The following PLCH1 variants were observed in gnomAD, a reference collection of about 807,000 sequenced individuals.
PLCH1 encodes the protein phospholipase C eta 1.
PLCH1 carries 60 observed loss-of-function variants against 126.7 expected under a neutral mutation model. The observed-to-expected ratio is 0.47, with a 90% CI of 0.38 to 0.59. PLCH1 has a LOEUF of 0.59. Ranked by LOEUF, PLCH1 falls within the 20% of genes least tolerant of loss-of-function variation. PLCH1 has a pLI of 0.00. For missense variants in PLCH1, 1,723 were observed against 2,040.0 expected, an observed-to-expected ratio of 0.84 and a Z score of 2.99; for synonymous variants, 719 against 734.9, an observed-to-expected ratio of 0.98 and a Z score of 0.35.
At chr3:155,461,609 G>A (rs1712730795) in intron 21 of PLCH1, among the ~76,000 whole-genome samples, 1 of 152,164 alleles carries the variant, frequency 6.6e-6, no homozygotes, top group Non-Finnish European at 1.5e-5. Flanking sequence ...CATACTTATG[G>A]CCTCATGGGA....
chr3:155,473,161 A>T (rs1250354188), intron 21 of PLCH1, among the ~76,000 whole-genome samples: 1 of 150,216 alleles, frequency 6.7e-6, no homozygotes, highest in African/African-American at 2.5e-5. Context: ...AGATGACATG[A>T]TTGTATATCT....
At chr3:155,646,345 C>T (rs1740055662) in intron 2 of PLCH1, among the ~76,000 whole-genome samples, 1 of 152,226 alleles carries the variant, frequency 6.6e-6, no homozygotes, top group Non-Finnish European at 1.5e-5. Context: ...CCTCTGTCCT[C>T]ACTGTTCAGT....
chr3:155,459,231 G>A (rs1712622759), intron 21 of PLCH1, among the ~76,000 whole-genome samples: 1 of 152,164 alleles, frequency 6.6e-6, no homozygotes, highest in South Asian at 2.1e-4. Context: ...GGTAGTATGA[G>A]GCAGCTAATT....
chr3:155,669,781 G>A lies in PLCH1; in HGVS notation c.79+34365C>T, dbSNP rs1743213676. Among the ~76,000 whole-genome samples, 3 of 152,290 alleles carry A rather than the reference G, an allele frequency of 2.0e-5. 1 individual carries two copies. Among genetic ancestry groups the A allele is most frequent in the Admixed American group, 6.5e-5 (1 of 15,292 alleles). On this transcript the variant is annotated intron_variant, in intron 2 of 22. Transcript: ENST00000460012. ...CACCTGTTTACTAAGTCCAACTGAA[G>A]ACCTGTCTCCTGTTCATACTGTTCA... is the stretch of plus-strand genomic sequence containing the variant.
rs142479327 is a variant in PLCH1 at position 155,589,196 on chromosome 3, T to G, written c.471-3002A>C. 4.3e-3 allele frequency among the ~76,000 whole-genome samples: 647 copies of G among 152,234 alleles called. 1 individual carries two copies. The highest frequency in any genetic ancestry group is 7.1e-3 in the South Asian group (34 of 4,816). On this transcript the variant is annotated intron_variant, in intron 4 of 22. Transcript: ENST00000460012. ...TATCTAGCACAGGGGAGGGCAAACT[T>G]TTCTGTAAAGGGCCTGATAGTGAAT...
chr3:155,528,603 T>C (rs1722274606), intron 10 of PLCH1, among the ~76,000 whole-genome samples: 1 of 152,160 alleles, frequency 6.6e-6, no homozygotes, highest in Non-Finnish European at 1.5e-5. Context: ...CAGCATAAAA[T>C]AGAATAAAAA....
At chr3:155,485,195 C>A (rs1328717236) in intron 22 of PLCH1, among the ~76,000 whole-genome samples, 161 bp downstream of exon 22, 1 of 152,120 alleles carries the variant, frequency 6.6e-6, no homozygotes, top group Admixed American at 6.5e-5. Flanking sequence ...ACCTGGCCCC[C>A]AAAGTTTAAA....
intron 5 of PLCH1, among the ~76,000 whole-genome samples, chr3:155,584,135 T>C (rs1731067647): frequency 6.6e-6 from 1 of 151,436 alleles, no homozygotes; most frequent in South Asian, 2.1e-4. Context: ...AAGCAAAAAG[T>C]AATAAAATAG....
rs562675284 is a variant in PLCH1 at position 155,516,618 on chromosome 3, T to C, written c.1471-1734A>G. ...GAAACAGTATTAATCTGGCAGCGTA[T>C]GCCAAAAGAGGAAGTGTGTCTGCAG... is the stretch of plus-strand genomic sequence containing the variant. On this transcript the variant is annotated intron_variant, in intron 11 of 22. Transcript: ENST00000460012. Among the ~76,000 whole-genome samples, 4 of 152,166 alleles carry C rather than the reference T, an allele frequency of 2.6e-5. No individual in the cohort carries two copies. The South Asian group carries it at 8.3e-4, about 32-fold the overall frequency.
chr3:155,580,638 T>C (rs1730545846), intron 6 of PLCH1, among the ~76,000 whole-genome samples: 1 of 152,152 alleles, frequency 6.6e-6, no homozygotes, highest in South Asian at 2.1e-4. Context: ...AAATTAGCAC[T>C]AAAACTAAGT....
chr3:155,732,597 G>A (rs1748851650), intron 1 of PLCH1, among the ~76,000 whole-genome samples: 1 of 151,960 alleles, frequency 6.6e-6, no homozygotes, highest in Admixed American at 6.5e-5. Flanking sequence ...ATCAGTTATG[G>A]CTGGGTATGG....
intron 2 of PLCH1, among the ~76,000 whole-genome samples, chr3:155,608,930 G>A (rs923199142): frequency 2.0e-5 from 3 of 152,126 alleles, no homozygotes; most frequent in African/African-American, 7.2e-5. Context: ...CTGACTGGAG[G>A]TCAACCAACT....
chr3:155,676,973 T>G (rs1224077965), intron 2 of PLCH1, among the ~76,000 whole-genome samples: 1 of 152,220 alleles, frequency 6.6e-6, no homozygotes, highest in Non-Finnish European at 1.5e-5. Context: ...TAAACATTAT[T>G]TGCAACTTTA....
intron 2 of PLCH1, among the ~76,000 whole-genome samples, chr3:155,656,168 C>G (rs545497572): frequency 6.8e-6 from 1 of 147,746 alleles, no homozygotes; most frequent in Non-Finnish European, 1.5e-5. Flanking sequence ...AGAAAATTAC[C>G]CCCCCCCAAA....
At chr3:155,707,858 T>G (rs1746798127) in intron 1 of PLCH1, among the ~76,000 whole-genome samples, 1 of 152,158 alleles carries the variant, frequency 6.6e-6, no homozygotes, top group Non-Finnish European at 1.5e-5. Context: ...ATATGTAATA[T>G]TCACATACTT....
chr3:155,741,684 C>CTTTTATTTTTTTTTTTTTTTTTTTTTTT lies in PLCH1; in HGVS notation c.-41+3155_-41+3156insAAAAAAAAAAAAAAAAAAAAAAATAAAA. On this transcript the variant is annotated intron_variant, in intron 1 of 22. Transcript: ENST00000460012. ...TCCTTTTATCATAATTTTATATCCT[C>CTTTTATTTTTTTTTTTTTTTTTTTTTTT]TTTTTTTTTTTTTTTTTTTTGTTCA... is the stretch of plus-strand genomic sequence containing the variant. Among the ~76,000 whole-genome samples, 38 of 102,868 alleles carry CTTTTATTTTTTTTTTTTTTTTTTTTTTT rather than the reference C, an allele frequency of 3.7e-4. 2 individuals are homozygous for CTTTTATTTTTTTTTTTTTTTTTTTTTTT. Among genetic ancestry groups the CTTTTATTTTTTTTTTTTTTTTTTTTTTT allele is most frequent in the African/African-American group, 1.7e-3 (36 of 20,880 alleles). 67.5% of individuals were successfully genotyped at this position (102,868 alleles called of 152,430 possible).
At chr3:155,673,320 T>C (rs1743724800) in intron 2 of PLCH1, among the ~76,000 whole-genome samples, 1 of 152,106 alleles carries the variant, frequency 6.6e-6, no homozygotes, top group Non-Finnish European at 1.5e-5. Flanking sequence ...TTGTGCACTA[T>C]ACCAGAAGTT....
At chr3:155,730,439 C>T (rs550568075) in intron 1 of PLCH1, among the ~76,000 whole-genome samples, 2 of 152,020 alleles carry the variant, frequency 1.3e-5, no homozygotes, top group African/African-American at 4.8e-5. Context: ...CCGCACCACG[C>T]CCAGCTAATT....
rs138311539 is a variant in PLCH1, at chr3:155,703,665, C to T, written c.79+481G>A. On this transcript the variant is annotated intron_variant, in intron 2 of 22. Transcript: ENST00000460012. Reference sequence around the variant, plus strand: ...ATAATATATAGATAAGTCTGAAAGCCCTAAAGGACAGCAATAAAAGTGGGT... The same window carrying T: ...ATAATATATAGATAAGTCTGAAAGCTCTAAAGGACAGCAATAAAAGTGGGT... Among the ~76,000 whole-genome samples, 494 of 152,206 alleles carry T rather than the reference C, an allele frequency of 3.2e-3. 2 individuals are homozygous for T. Among genetic ancestry groups the T allele is most frequent in the South Asian group, 0.021 (99 of 4,818 alleles).
Sources: allele counts gnomAD v4.1 joint callset (sites outside exome capture counted in the v4.1 genomes callset), GRCh38; gene constraint gnomAD v4.1.1; transcripts MANE v1.5; gene names NCBI Gene and HGNC (gene_info 2026-07-23, HGNC 2026-07-21).